Variants in MIPOL1 observed in about 807,000 individuals in gnomAD.
MIPOL1 encodes mirror-image polydactyly 1.
In MIPOL1, 57 loss-of-function variants were observed where a neutral mutation model predicts 60.9. The observed-to-expected ratio is 0.94, with a 90% CI of 0.76 to 1.17. The LOEUF (loss-of-function observed/expected upper bound fraction) is 1.17, where lower values mean the gene tolerates loss of function less well. MIPOL1 is among the 50% of genes most tolerant of loss of function. The pLI, the probability that MIPOL1 is intolerant of heterozygous loss-of-function variation, is 0.00. For missense variants in MIPOL1, 551 were observed against 511.6 expected, an observed-to-expected ratio of 1.08 and a Z score of -0.74; for synonymous variants, 179 against 168.8, an observed-to-expected ratio of 1.06 and a Z score of -0.47.
intron 9 of MIPOL1, among the ~76,000 whole-genome samples, chr14:37,355,332 C>A (rs1162954695): frequency 8.1e-6 from 1 of 122,916 alleles, no homozygotes; most frequent in African/African-American, 3.0e-5. Context: ...CTCTGGCTGC[C>A]CTTAACATTT....
intron 3 of MIPOL1, among the ~76,000 whole-genome samples, chr14:37,248,504 A>G (rs1594726049): frequency 6.6e-6 from 1 of 152,094 alleles, no homozygotes; most frequent in Non-Finnish European, 1.5e-5. Flanking sequence ...ATAGAGACAC[A>G]GGCATGCGGA....
chr14:37,541,421 T>A (rs2095529159), intron 12 of MIPOL1, among the ~76,000 whole-genome samples: 2 of 152,160 alleles, frequency 1.3e-5, no homozygotes, highest in Non-Finnish European at 2.9e-5. Context: ...AAACTCTGAG[T>A]TACTTCTATA....
chr14:37,387,557 A>G (rs924856471), intron 10 of MIPOL1, among the ~76,000 whole-genome samples: 4 of 151,902 alleles, frequency 2.6e-5, no homozygotes, highest in Non-Finnish European at 5.9e-5. Context: ...TGAGTGTATC[A>G]GTTTTGTCCT....
At chr14:37,448,306 G>A (rs1468547073) in intron 11 of MIPOL1, among the ~76,000 whole-genome samples, 1 of 152,166 alleles carries the variant, frequency 6.6e-6, no homozygotes, top group African/African-American at 2.4e-5. Context: ...AGAGATCATT[G>A]CAGAAGGCAG....
At chr14:37,468,604 C>T (rs2094633697) in intron 11 of MIPOL1, among the ~76,000 whole-genome samples, 1 of 152,170 alleles carries the variant, frequency 6.6e-6, no homozygotes, top group African/African-American at 2.4e-5. Context: ...TTAAGAACAA[C>T]ATGAAACAGG....
chr14:37,283,949 C>T (rs767741241), intron 6 of MIPOL1, among the ~76,000 whole-genome samples: 3 of 152,038 alleles, frequency 2.0e-5, no homozygotes, highest in Non-Finnish European at 2.9e-5. Context: ...CCTTACTGGA[C>T]GGATATTCTG....
At chr14:37,341,196 G>A (rs2090546797) in intron 9 of MIPOL1, among the ~76,000 whole-genome samples, 1 of 152,130 alleles carries the variant, frequency 6.6e-6, no homozygotes, top group Admixed American at 6.5e-5. Flanking sequence ...ATGTGACACA[G>A]ACACACCCAA....
chr14:37,222,495 CTGCCAGATATCTTAG>C (rs1968981130), intron 1 of MIPOL1, among the ~76,000 whole-genome samples: 1 of 151,076 alleles, frequency 6.6e-6, no homozygotes, highest in African/African-American at 2.4e-5. Context: ...GAAATTTCTT[CTGCCAGATATCTTAG>C]TGCATTGAGC....
chr14:37,492,488 A>G (rs1019466601), intron 11 of MIPOL1, among the ~76,000 whole-genome samples: 2 of 152,208 alleles, frequency 1.3e-5, no homozygotes, highest in African/African-American at 4.8e-5. Flanking sequence ...TACAAAGTTA[A>G]TTAGATATAA....
intron 11 of MIPOL1, among the ~76,000 whole-genome samples, chr14:37,465,273 C>T (rs950311388): frequency 6.6e-6 from 1 of 152,114 alleles, no homozygotes; most frequent in Admixed American, 6.5e-5. Context: ...CAAAGTGATA[C>T]AATACTGAAA....
chr14:37,351,414 G>T (rs1260898546), intron 9 of MIPOL1, among the ~76,000 whole-genome samples: 2 of 150,976 alleles, frequency 1.3e-5, no homozygotes, highest in Non-Finnish European at 3.0e-5. Flanking sequence ...AGTCCTTTGG[G>T]TATATACCCA....
chr14:37,208,367 C>CTA (rs1966438015), intron 1 of MIPOL1, among the ~76,000 whole-genome samples: 1 of 151,884 alleles, frequency 6.6e-6, no homozygotes, highest in Admixed American at 6.6e-5. Flanking sequence ...GAGGATTTTA[C>CTA]TGCTGAGTAA....
intron 9 of MIPOL1, among the ~76,000 whole-genome samples, chr14:37,353,694 A>G (rs1043215726): frequency 6.6e-6 from 1 of 152,022 alleles, no homozygotes; most frequent in African/African-American, 2.4e-5. Flanking sequence ...TTATTTGCGT[A>G]GAGGTGTTTG....
intron 3 of MIPOL1, among the ~76,000 whole-genome samples, chr14:37,251,388 T>TA (rs1483043010): frequency 6.6e-6 from 1 of 151,892 alleles, no homozygotes; most frequent in Non-Finnish European, 1.5e-5. Flanking sequence ...TTTAAGGAGT[T>TA]AAAAAAACAG....
intron 11 of MIPOL1, among the ~76,000 whole-genome samples, chr14:37,451,797 G>C (rs142408962): frequency 1.2e-3 from 150 of 130,042 alleles, no homozygotes; most frequent in African/African-American, 4.5e-3. Context: ...AGGTTCTTTT[G>C]TTTATTCTCT....
At chr14:37,447,291 T>C (rs1471500722) in intron 11 of MIPOL1, among the ~76,000 whole-genome samples, 1 of 152,108 alleles carries the variant, frequency 6.6e-6, no homozygotes, top group Non-Finnish European at 1.5e-5. Context: ...TTGCTTTTTC[T>C]TATTTTACTT....
chr14:37,504,470 C>T (rs2095256070), intron 12 of MIPOL1: 1 of 152,184 alleles, frequency 6.6e-6, no homozygotes, highest in Non-Finnish European at 1.5e-5. Flanking sequence ...AACTGAACAA[C>T]TACGTGGAAA....
chr14:37,204,356 G>A (rs1965756612), intron 1 of MIPOL1, among the ~76,000 whole-genome samples: 1 of 152,200 alleles, frequency 6.6e-6, no homozygotes, highest in Admixed American at 6.5e-5. Context: ...TGTTGAATTT[G>A]GGTTTAATGT....
At chr14:37,469,378 T>C (rs2094646351) in intron 11 of MIPOL1, among the ~76,000 whole-genome samples, 1 of 152,008 alleles carries the variant, frequency 6.6e-6, no homozygotes. Context: ...GAGAACTCAC[T>C]CACTATCACA....
Sources: gnomAD v4.1 joint callset for allele counts (sites outside exome capture counted in the v4.1 genomes callset) on GRCh38, gnomAD v4.1.1 for gene constraint, MANE v1.5 for transcripts, NCBI Gene and HGNC (gene_info 2026-07-23, HGNC 2026-07-21) for gene names.